ERO1B: variants seen among roughly 807,000 people sequenced by gnomAD.
ERO1B encodes the protein ERO1-like protein beta.
A neutral mutation model predicts 75.3 loss-of-function variants in ERO1B; 49 were observed. That is an observed-to-expected ratio of 0.65 (90% CI 0.52 to 0.83). The LOEUF is 0.83. Ranked by LOEUF, ERO1B falls within the 40% of genes least tolerant of loss-of-function variation. The pLI, the probability that ERO1B is intolerant of heterozygous loss-of-function variation, is 0.00. For missense variants in ERO1B, 512 were observed against 560.1 expected, an observed-to-expected ratio of 0.91 and a Z score of 0.87; for synonymous variants, 191 against 192.9, an observed-to-expected ratio of 0.99 and a Z score of 0.08.
intron 14 of ERO1B, among the ~76,000 whole-genome samples, 198 bp from the exon 15 acceptor site, chr1:236,221,163 G>A (rs1664129822): frequency 6.6e-6 from 1 of 152,092 alleles, no homozygotes; most frequent in Admixed American, 6.5e-5. Flanking sequence ...AAGGAAACCT[G>A]AATAGTCTTA....
rs1664248486 is a variant in ERO1B, at chr1:236,225,128, A to T, written c.1064T>A (p.Met355Lys). The T allele has an allele frequency of 6.2e-7, 1 of 1,614,026 alleles. No individual in the cohort carries two copies. ...AAACATGGATTTCTCATCAAAGTGC[A>T]TGGGAAAGGACCTGATAAAATGATA... ...NIFQDTKSFP[M>K]HFDEKSMFAG... Residue 355 changes from methionine (M) to lysine (K), a missense_variant, in exon 13 of 16, where the codon ATG becomes AAG. Transcript: ENST00000354619.
chr1:236,276,112 C>T (rs1222453857), intron 1 of ERO1B, among the ~76,000 whole-genome samples: 2 of 152,060 alleles, frequency 1.3e-5, no homozygotes, highest in African/African-American at 2.4e-5. Context: ...AACAGGCAGG[C>T]CAATTTGGCT....
rs774233833 is a variant in ERO1B at position 236,270,005 on chromosome 1, T to A, written c.103-11A>T. On this transcript the variant is annotated splice_polypyrimidine_tract_variant and intron_variant, in intron 1 of 15. Coordinates refer to ENST00000354619, the MANE Select transcript of ERO1B (RefSeq NM_019891.4). ...CAGAACTCCAGTGACCTAGAATTTA[T>A]ATAATTTAAAATATGTAAACTACTG... 1.3e-6 allele frequency: 2 copies of A among 1,555,048 alleles called. No individual in the cohort carries two copies. The highest frequency in any genetic ancestry group is 3.7e-5 in the Admixed American group (2 of 54,614).
chr1:236,267,477 G>A (rs1665473908), intron 2 of ERO1B, among the ~76,000 whole-genome samples: 1 of 152,050 alleles, frequency 6.6e-6, no homozygotes, highest in Non-Finnish European at 1.5e-5. Flanking sequence ...AAGCCTGCTA[G>A]GGATAGAGAA....
At chr1:236,229,151 T>C (rs1452513625) in intron 10 of ERO1B, among the ~76,000 whole-genome samples, 1 of 152,166 alleles carries the variant, frequency 6.6e-6, no homozygotes, top group African/African-American at 2.4e-5. Context: ...ATAGGCCAGG[T>C]ATGGTGGCTC....
intron 5 of ERO1B, among the ~76,000 whole-genome samples, chr1:236,247,830 C>A (rs1664921887): frequency 6.6e-6 from 1 of 152,176 alleles, no homozygotes; most frequent in South Asian, 2.1e-4. Context: ...GGGTTTTCAA[C>A]TAACATTTAT....
intron 5 of ERO1B, among the ~76,000 whole-genome samples, chr1:236,244,918 A>C (rs1664803403): frequency 6.6e-6 from 1 of 152,168 alleles, no homozygotes; most frequent in Non-Finnish European, 1.5e-5. Context: ...CCAAGGTTAA[A>C]GTAGTAGTCT....
chr1:236,280,284 T>C (rs985873280), intron 1 of ERO1B, among the ~76,000 whole-genome samples: 3 of 152,196 alleles, frequency 2.0e-5, no homozygotes, highest in African/African-American at 7.2e-5. Context: ...AAATATCGAA[T>C]TGTAAATTTC....
Position 236,230,178 on chromosome 1 carries a change from G to C in ERO1B, c.712+46C>G, listed in dbSNP as rs199833487. ...TTACAAAAATATGCTAAATAAATCA[G>C]TATTTTTTAACAAAAAATCCAATAA... On this transcript the variant is annotated intron_variant, in intron 10 of 15. Coordinates refer to ENST00000354619, the MANE Select transcript of ERO1B (RefSeq NM_019891.4). 2,916 of 1,441,260 alleles carry C rather than the reference G, an allele frequency of 2.0e-3. 19 individuals are homozygous for C. The highest frequency in any genetic ancestry group is 1.5e-3 in the Non-Finnish European group (1,528 of 1,038,426). 89.3% of individuals were successfully genotyped at this position (1,441,260 alleles called of 1,614,324 possible).
intron 1 of ERO1B, 71 bp downstream of exon 1, chr1:236,281,599 TCCCCGCGTCACA>T: frequency 3.0e-5 from 31 of 1,032,114 alleles, no homozygotes; most frequent in South Asian, 5.9e-5. Context: ...TGCCCGGCCC[TCCCCGCGTCACA>T]GCCGCGGCCC....
chr1:236,258,114 AG>A (rs1314237847), intron 2 of ERO1B, among the ~76,000 whole-genome samples: 8 of 80,506 alleles, frequency 9.9e-5, no homozygotes, highest in Non-Finnish European at 1.6e-4. Context: ...GGACAGAAAG[AG>A]AGAGAGAGAG....
chr1:236,261,889 G>A (rs1285412439), intron 2 of ERO1B, among the ~76,000 whole-genome samples: 1 of 152,126 alleles, frequency 6.6e-6, no homozygotes, highest in African/African-American at 2.4e-5. Flanking sequence ...GCTACAGTGA[G>A]CTATGATTGT....
chr1:236,248,463 G>A (rs1726647), intron 5 of ERO1B, among the ~76,000 whole-genome samples: 37,605 of 151,862 alleles, frequency 0.25, 4,814 homozygotes, highest in East Asian at 0.38. Context: ...TGCTCAAGGT[G>A]GCATGTTTGT....
chr1:236,248,021 TTTAC>T (rs1382705001), intron 5 of ERO1B, among the ~76,000 whole-genome samples: 2 of 152,190 alleles, frequency 1.3e-5, no homozygotes, highest in Admixed American at 6.5e-5. Flanking sequence ...TCATCATCAT[TTTAC>T]TTACTTATTT....
At chr1:236,272,868 T>C (rs1665627752) in intron 1 of ERO1B, among the ~76,000 whole-genome samples, 1 of 152,206 alleles carries the variant, frequency 6.6e-6, no homozygotes, top group South Asian at 2.1e-4. Context: ...GCCTCTTTTG[T>C]TAACACGTTA....
At chr1:236,242,413 G>A (rs1156871292) in intron 6 of ERO1B, among the ~76,000 whole-genome samples, 2 of 152,102 alleles carry the variant, frequency 1.3e-5, no homozygotes, top group South Asian at 4.2e-4. Context: ...AGAGAGGACA[G>A]ATACTTCATT....
Position 236,236,412 on chromosome 1 carries a change from A to C in ERO1B, c.506-14T>G. 6.2e-7 allele frequency: 1 copy of C among 1,612,702 alleles called. No individual in the cohort carries two copies. Among genetic ancestry groups the C allele is most frequent in the South Asian group, 1.1e-5 (1 of 91,004 alleles). ...GAGATCTCTCATCTGAACAAGAAAA[A>C]ATTCATAAAAACCATCCATATTTCA... On this transcript the variant is annotated splice_polypyrimidine_tract_variant and intron_variant, in intron 6 of 15. Coordinates refer to ENST00000354619, the MANE Select transcript of ERO1B (RefSeq NM_019891.4).
chr1:236,275,574 G>C (rs745493106), intron 1 of ERO1B, among the ~76,000 whole-genome samples: 9 of 152,134 alleles, frequency 5.9e-5, no homozygotes, highest in Non-Finnish European at 8.8e-5. Context: ...AGTTCTTACG[G>C]AGCTAAATCT....
At position 236,250,618 on chromosome 1, in the gene ERO1B, T is replaced by TATGTATATGTATAG. The variant is rs1491338079; in HGVS notation, c.349-652_349-651insCTATACATATACAT. Reference sequence around the variant, plus strand: ...ATATATATATATATATATATATATATCAAACGTGTGTGTGCAAACATATAT... The same window carrying TATGTATATGTATAG: ...ATATATATATATATATATATATATATATGTATATGTATAGCAAACGTGTGTGTGCAAACATATAT... On this transcript the variant is annotated intron_variant, in intron 4 of 15. Transcript: ENST00000354619. Among the ~76,000 whole-genome samples, 2 of 110,236 alleles carry TATGTATATGTATAG rather than the reference T, an allele frequency of 1.8e-5. 1 individual carries two copies. The highest frequency in any genetic ancestry group is 3.8e-5 in the Non-Finnish European group (2 of 52,002). The allele number at this position is 110,236 out of a possible 152,430, so 72.3% of individuals were successfully genotyped here.
Sources: allele counts gnomAD v4.1 joint callset (sites outside exome capture counted in the v4.1 genomes callset), GRCh38; gene constraint gnomAD v4.1.1; transcripts MANE v1.5; gene names NCBI Gene and HGNC (gene_info 2026-07-23, HGNC 2026-07-21).